THSD7A: variants seen among roughly 807,000 people sequenced by gnomAD.
The protein encoded by THSD7A is thrombospondin type-1 domain-containing protein 7A.
Under a neutral mutation model 231.3 loss-of-function variants are expected in THSD7A, and 96 were observed. That is an observed-to-expected ratio of 0.41 (90% CI 0.35 to 0.49). THSD7A has a LOEUF of 0.49. Ranked by LOEUF, THSD7A falls within the 20% of genes least tolerant of loss-of-function variation. The pLI is 0.05. For missense variants in THSD7A, 2,290 were observed against 2,070.2 expected, an observed-to-expected ratio of 1.11 and a Z score of -2.06; for synonymous variants, 940 against 743.3, an observed-to-expected ratio of 1.26 and a Z score of -4.30.
At chr7:11,520,389 T>A (rs62435238) in intron 6 of THSD7A, among the ~76,000 whole-genome samples, 24,581 of 152,092 alleles carry the variant, frequency 0.16, 2,351 homozygotes, top group African/African-American at 0.27. Flanking sequence ...AATATTGGCT[T>A]AAATAAATAG....
Position 11,375,633 on chromosome 7 carries a change from T to A in THSD7A, c.*161A>T. The A allele has an allele frequency of 1.7e-6, 1 of 601,568 alleles. No individual in the cohort carries two copies. The highest frequency in any genetic ancestry group is 2.9e-6 in the Non-Finnish European group (1 of 340,396). The allele number at this position is 601,568 out of a possible 1,614,324, so 37.3% of individuals were successfully genotyped here. A position where few individuals can be genotyped will look rare whatever the true frequency, so the allele number is the denominator to read the frequency against. On this transcript the variant is annotated 3_prime_UTR_variant, in exon 28 of 28. Transcript: ENST00000423059. ...TGTATATAAGTGGTACTGTCTTAAATATCTCCAGTGGCAGTATGATTTTCA... is the reference window on the plus strand; with the variant it reads ...TGTATATAAGTGGTACTGTCTTAAAAATCTCCAGTGGCAGTATGATTTTCA...
At chr7:11,621,104 C>G (rs1781293547) in intron 2 of THSD7A, among the ~76,000 whole-genome samples, 1 of 152,170 alleles carries the variant, frequency 6.6e-6, no homozygotes, top group Non-Finnish European at 1.5e-5. Flanking sequence ...ATCTGTTTCA[C>G]AACACATTGC....
At chr7:11,566,140 A>T (rs1790311199) in intron 4 of THSD7A, among the ~76,000 whole-genome samples, 1 of 151,490 alleles carries the variant, frequency 6.6e-6, no homozygotes, top group African/African-American at 2.5e-5. Context: ...CTGAGTGTCA[A>T]CATTGCCCAC....
chr7:11,438,479 A>G (rs573087648), intron 13 of THSD7A, among the ~76,000 whole-genome samples: 74 of 152,102 alleles, frequency 4.9e-4, no homozygotes, highest in African/African-American at 1.6e-3. Flanking sequence ...CAAAAAAGCA[A>G]TTGCTTAAGC....
chr7:11,564,203 C>A (rs571432810), intron 4 of THSD7A, among the ~76,000 whole-genome samples: 1 of 152,278 alleles, frequency 6.6e-6, no homozygotes, highest in East Asian at 1.9e-4. Flanking sequence ...GAAGAGCATT[C>A]CTTTTTCTTT....
intron 1 of THSD7A, among the ~76,000 whole-genome samples, chr7:11,698,947 A>C (rs937421194): frequency 7.5e-5 from 11 of 146,692 alleles, no homozygotes; most frequent in East Asian, 4.1e-4. Context: ...GCATATTTGC[A>C]TGTAGGTGCC....
chr7:11,702,175 C>T (rs1780624540), intron 1 of THSD7A, among the ~76,000 whole-genome samples: 1 of 151,186 alleles, frequency 6.6e-6, no homozygotes, highest in African/African-American at 2.4e-5. Context: ...TAAAACAGCA[C>T]CCATTTATTA....
At chr7:11,750,251 A>G (rs1782454349) in intron 1 of THSD7A, among the ~76,000 whole-genome samples, 2 of 152,068 alleles carry the variant, frequency 1.3e-5, no homozygotes, top group South Asian at 4.1e-4. Context: ...TATTAATACT[A>G]TAAAAGATTG....
chr7:11,719,561 T>C (rs903118969), intron 1 of THSD7A, among the ~76,000 whole-genome samples: 1 of 151,712 alleles, frequency 6.6e-6, no homozygotes, highest in Admixed American at 6.6e-5. Flanking sequence ...CATGTCCACA[T>C]GCAACACATG....
chr7:11,521,570 C>T (rs1788267449), intron 6 of THSD7A, among the ~76,000 whole-genome samples: 2 of 142,122 alleles, frequency 1.4e-5, no homozygotes, highest in Admixed American at 1.4e-4. Flanking sequence ...ATACATGTGC[C>T]ATGCTGGTGC....
intron 1 of THSD7A, among the ~76,000 whole-genome samples, chr7:11,695,850 G>T (rs1780376790): frequency 6.6e-6 from 1 of 151,594 alleles, no homozygotes; most frequent in East Asian, 2.0e-4. Context: ...CCACATTTTA[G>T]AGAAAACCAC....
intron 1 of THSD7A, among the ~76,000 whole-genome samples, chr7:11,646,261 C>T (rs957453561): frequency 1.3e-5 from 2 of 151,918 alleles, no homozygotes; most frequent in Admixed American, 1.3e-4. Flanking sequence ...CCCCACTTCC[C>T]AAATAATTAC....
intron 1 of THSD7A, among the ~76,000 whole-genome samples, chr7:11,803,866 C>T (rs6978159): frequency 0.85 from 128,565 of 152,064 alleles, 54,726 homozygotes; most frequent in African/African-American, 0.94. Flanking sequence ...AAATCTAATG[C>T]GTAGCCAAGG....
chr7:11,670,454 G>C (rs1006183954), intron 1 of THSD7A, among the ~76,000 whole-genome samples: 3 of 152,210 alleles, frequency 2.0e-5, no homozygotes, highest in African/African-American at 7.2e-5. Flanking sequence ...TAAAGCAGTA[G>C]AATATTTGTA....
chr7:11,378,933 T>C (rs1782391745), intron 26 of THSD7A, 137 bp downstream of exon 26: 3 of 728,284 alleles, frequency 4.1e-6, no homozygotes, highest in Non-Finnish European at 6.7e-6. Flanking sequence ...GAAGAATAGA[T>C]GGCACTATCA....
At position 11,644,272 on chromosome 7, in the gene THSD7A, T is replaced by C. The variant is rs1235148114; in HGVS notation, c.191-7311A>G. Among the ~76,000 whole-genome samples, 4 of 152,092 alleles carry C rather than the reference T, an allele frequency of 2.6e-5. No homozygotes were observed. In the East Asian group the frequency reaches 5.8e-4, roughly 22 times the overall value. ...AAATGTCTGTCTTAAAATAGTCCCA[T>C]AGACTGGTATCTGAATGCCTAGAAT... On this transcript the variant is annotated intron_variant, in intron 1 of 27. Coordinates refer to ENST00000423059, the MANE Select transcript of THSD7A (RefSeq NM_015204.3).
intron 4 of THSD7A, among the ~76,000 whole-genome samples, chr7:11,561,586 T>C (rs1284693121): frequency 6.6e-6 from 1 of 152,178 alleles, no homozygotes; most frequent in Non-Finnish European, 1.5e-5. Context: ...ATTAAGAAAC[T>C]GAGGCCAGGT....
chr7:11,792,013 G>A (rs1310868090), intron 1 of THSD7A, among the ~76,000 whole-genome samples: 3 of 151,868 alleles, frequency 2.0e-5, no homozygotes, highest in Non-Finnish European at 2.9e-5. Context: ...TGCCTAAACT[G>A]TGAACTATGA....
intron 6 of THSD7A, among the ~76,000 whole-genome samples, chr7:11,508,838 T>C (rs1481048505): frequency 1.3e-5 from 2 of 152,210 alleles, no homozygotes; most frequent in Non-Finnish European, 2.9e-5. Flanking sequence ...AATAAGCCAG[T>C]CACAGCAATA....
Sources: allele counts gnomAD v4.1 joint callset (sites outside exome capture counted in the v4.1 genomes callset), GRCh38; gene constraint gnomAD v4.1.1; transcripts MANE v1.5; gene names NCBI Gene and HGNC (gene_info 2026-07-23, HGNC 2026-07-21).